The following GPR89B variants were observed in gnomAD, a reference collection of about 807,000 sequenced individuals.
GPR89B encodes the protein G protein-coupled receptor 89B.
In GPR89B, 25 loss-of-function variants were observed where a neutral mutation model predicts 52.4. The ratio of observed to expected loss-of-function variants is 0.48; its 90% CI spans 0.35 to 0.67. GPR89B has a LOEUF of 0.67. GPR89B is among the 30% of genes least tolerant of loss of function. GPR89B has a pLI of 0.01. For synonymous variants in GPR89B, 52 were observed against 151.2 expected (o/e 0.34, Z 4.81); for missense variants, 146 against 450.2 (o/e 0.32, Z 6.11).
the GPR89B span, among the ~76,000 whole-genome samples, chr1:148,021,457 G>C: frequency 6.4e-4 from 97 of 152,008 alleles, 3 homozygotes; most frequent in African/African-American, 2.3e-3. Flanking sequence ...AGCCGAGATC[G>C]CGCCATTGCA....
At chr1:147,930,149 C>CT (rs1281160228) in intron 1 of GPR89B, among the ~76,000 whole-genome samples, 1 of 152,178 alleles carries the variant, frequency 6.6e-6, no homozygotes, top group Non-Finnish European at 1.5e-5. Context: ...TAATCATAGA[C>CT]TTTCACTTCA....
chr1:147,954,623 G>A (rs1409054239), intron 7 of GPR89B, among the ~76,000 whole-genome samples: 2 of 152,096 alleles, frequency 1.3e-5, no homozygotes, highest in African/African-American at 2.4e-5. Context: ...TTCGAGACTA[G>A]CCTGGGTAAC....
intron 12 of GPR89B, among the ~76,000 whole-genome samples, chr1:147,991,788 G>T (rs1427563745): frequency 6.6e-6 from 1 of 152,254 alleles, no homozygotes; most frequent in South Asian, 2.1e-4. Flanking sequence ...TGCATCCCAG[G>T]GATGAAGCCC....
chr1:147,928,610 C>T (rs1553246516), intron 1 of GPR89B, 32 bp downstream of exon 1: 1 of 1,613,582 alleles, frequency 6.2e-7, no homozygotes, highest in South Asian at 1.1e-5. Context: ...CGACACCCGT[C>T]CGCCTCCCTT....
At chr1:147,937,238 GC>G (rs587694875) in intron 2 of GPR89B, among the ~76,000 whole-genome samples, 27 of 151,764 alleles carry the variant, frequency 1.8e-4, no homozygotes, top group African/African-American at 6.3e-4. Flanking sequence ...CACAAAACCA[GC>G]AAGTTTTTAT....
the GPR89B span, among the ~76,000 whole-genome samples, chr1:148,018,123 GA>G: frequency 6.8e-6 from 1 of 146,960 alleles, no homozygotes; most frequent in Non-Finnish European, 1.5e-5. Context: ...GTCTACTTAA[GA>G]AAGGCAGGAA....
chr1:147,978,436 G>C (rs879963103), intron 10 of GPR89B, among the ~76,000 whole-genome samples: 67 of 151,840 alleles, frequency 4.4e-4, no homozygotes, highest in Middle Eastern at 3.4e-3. Context: ...GCAACCCCTG[G>C]TGGGTCTCAG....
At chr1:147,957,463 C>A (rs1282077896) in intron 7 of GPR89B, among the ~76,000 whole-genome samples, 3 of 151,554 alleles carry the variant, frequency 2.0e-5, no homozygotes, top group Non-Finnish European at 4.4e-5. Context: ...ACAGTACAAT[C>A]ATTTGCTTTT....
chr1:148,009,681 T>C, the GPR89B span: 3 of 646,462 alleles, frequency 4.6e-6, no homozygotes, highest in South Asian at 5.8e-5. Flanking sequence ...TATCTGGCCC[T>C]GGAGATGCTG....
At chr1:147,932,046 G>A (rs1653674253) in intron 1 of GPR89B, among the ~76,000 whole-genome samples, 1 of 150,286 alleles carries the variant, frequency 6.7e-6, no homozygotes, top group Non-Finnish European at 1.5e-5. Flanking sequence ...ATTTTTGCTT[G>A]TTTTCTCTTC....
chr1:148,012,493 C>T, the GPR89B span, among the ~76,000 whole-genome samples: 3 of 126,222 alleles, frequency 2.4e-5, no homozygotes, highest in East Asian at 2.7e-4. Context: ...CTCCCCTCCC[C>T]GCCCCACTCC....
intron 12 of GPR89B, among the ~76,000 whole-genome samples, chr1:147,990,569 T>C (rs1658988032): frequency 1.3e-5 from 2 of 152,202 alleles, no homozygotes; most frequent in Admixed American, 1.3e-4. Flanking sequence ...TTCTAGGGTT[T>C]TTATGGTTTT....
At chr1:147,933,325 C>G (rs1306826738) in intron 1 of GPR89B, among the ~76,000 whole-genome samples, 1 of 152,090 alleles carries the variant, frequency 6.6e-6, no homozygotes, top group Non-Finnish European at 1.5e-5. Context: ...ACTCTGGTTC[C>G]TGCCTCTACC....
chr1:147,965,646 T>C (rs1656973591), intron 7 of GPR89B, among the ~76,000 whole-genome samples: 2 of 152,040 alleles, frequency 1.3e-5, no homozygotes, highest in Non-Finnish European at 2.9e-5. Flanking sequence ...TGTTGACTTA[T>C]TCACCTGTAG....
the GPR89B span, among the ~76,000 whole-genome samples, chr1:148,012,995 G>C: frequency 6.6e-6 from 1 of 152,162 alleles, no homozygotes; most frequent in South Asian, 2.1e-4. Flanking sequence ...TTCGGACAAT[G>C]AAAAATGCAG....
In GPR89B at chr1:147,939,795, C is replaced by T. The variant is rs587753681; in HGVS notation, c.206+978C>T. Reference sequence around the variant, plus strand: ...GGAGGATCACTTAAGTGCAGGGGTTCAAGACGAGCCTGGGCAACAAAGTGA... The same window carrying T: ...GGAGGATCACTTAAGTGCAGGGGTTTAAGACGAGCCTGGGCAACAAAGTGA... On this transcript the variant is annotated intron_variant, in intron 3 of 13. Transcript: ENST00000314163. Among the ~76,000 whole-genome samples, 276 of 150,918 alleles carry T rather than the reference C, an allele frequency of 1.8e-3. 1 individual carries two copies. Among genetic ancestry groups the T allele is most frequent in the African/African-American group, 6.5e-3 (265 of 41,048 alleles).
intron 10 of GPR89B, among the ~76,000 whole-genome samples, chr1:147,981,811 C>A (rs1265444821): frequency 1.3e-5 from 2 of 151,552 alleles, no homozygotes; most frequent in Admixed American, 1.3e-4. Flanking sequence ...TACCACCATG[C>A]CTGGCTGATT....
At chr1:147,990,048 C>T (rs1209751474) in intron 12 of GPR89B, among the ~76,000 whole-genome samples, 6 of 152,202 alleles carry the variant, frequency 3.9e-5, no homozygotes, top group African/African-American at 1.4e-4. Flanking sequence ...CACTGCCTTC[C>T]ACAATGGTTG....
chr1:147,961,772 A>G (rs1656587606), intron 7 of GPR89B, among the ~76,000 whole-genome samples: 1 of 152,108 alleles, frequency 6.6e-6, no homozygotes, highest in Admixed American at 6.5e-5. Flanking sequence ...AAACATGTAT[A>G]TAGGACTTGT....
Sources: gnomAD v4.1 joint callset for allele counts (sites outside exome capture counted in the v4.1 genomes callset) on GRCh38, gnomAD v4.1.1 for gene constraint, MANE v1.5 for transcripts, NCBI Gene and HGNC (gene_info 2026-07-23, HGNC 2026-07-21) for gene names.